Variants in ADCY7 observed in about 807,000 individuals in gnomAD.
ADCY7 encodes adenylate cyclase 7.
In ADCY7, 72 loss-of-function variants were observed where a neutral mutation model predicts 120.6. The ratio of observed to expected loss-of-function variants is 0.60; its 90% CI spans 0.49 to 0.73. ADCY7 has a LOEUF of 0.73. Among genes scored for constraint, ADCY7 ranks in the 30% least tolerant of loss-of-function variants. ADCY7 has a pLI of 0.00. For synonymous variants in ADCY7, 661 were observed against 628.0 expected, an observed-to-expected ratio of 1.05 and a Z score of -0.78; for missense variants, 1,227 against 1,486.0, an observed-to-expected ratio of 0.83 and a Z score of 2.87.
chr16:50,294,203 C>G (rs948541583), intron 6 of ADCY7, among the ~76,000 whole-genome samples: 2 of 152,106 alleles, frequency 1.3e-5, no homozygotes, highest in African/African-American at 4.8e-5. Context: ...AACGGGAGTT[C>G]GGCAAGGGCT....
intron 7 of ADCY7, among the ~76,000 whole-genome samples, chr16:50,295,813 G>A (rs2035315225): frequency 1.3e-5 from 2 of 152,158 alleles, no homozygotes; most frequent in Non-Finnish European, 2.9e-5. Flanking sequence ...CCTGAGTCTG[G>A]GTGGGGCCTT....
chr16:50,247,678 C>G (rs1596780657), intron 1 of ADCY7, among the ~76,000 whole-genome samples: 1 of 151,756 alleles, frequency 6.6e-6, no homozygotes, highest in East Asian at 1.9e-4. Context: ...CTGTGCCCAG[C>G]CTTTCTTTCT....
intron 1 of ADCY7, among the ~76,000 whole-genome samples, chr16:50,249,131 G>A (rs539847247): frequency 6.6e-6 from 1 of 152,270 alleles, no homozygotes; most frequent in Non-Finnish European, 1.5e-5. Context: ...TGGTCCTATT[G>A]TGTGTCTTAG....
At position 50,314,339 on chromosome 16, in the gene ADCY7, C is replaced by T; in HGVS notation, c.2904C>T (p.Ser968=). Residue 968 remains serine (S), a synonymous_variant, in exon 24 of 26, where the codon AGC becomes AGT. Coordinates refer to ENST00000673801, the MANE Select transcript of ADCY7 (RefSeq NM_001114.5). ...ACATTGGTGTCATGGTGGAGTTCAG[C>T]ATCGCCCTGATGAGTAAGCTGGACG... ...HAHIGVMVEF[S]IALMSKLDGI... is the part of the protein sequence containing the mutation. 4 of 1,614,180 alleles carry T rather than the reference C, an allele frequency of 2.5e-6. No homozygotes were observed. Among genetic ancestry groups the T allele is most frequent in the Non-Finnish European group, 3.4e-6 (4 of 1,180,038 alleles).
chr16:50,311,955 G>A, intron 20 of ADCY7, 81 bp from the exon 21 acceptor site: 2 of 1,584,720 alleles, frequency 1.3e-6, no homozygotes, highest in African/African-American at 1.3e-5. Flanking sequence ...GCCAGGGACA[G>A]ACAGACCTGG....
rs924862176 is a variant in ADCY7, at chr16:50,301,014, G to C, written c.1236-68G>C. 3.2e-6 allele frequency: 5 copies of C among 1,580,136 alleles called. No homozygotes were observed. The Admixed American group carries it at 8.8e-5, about 28-fold the overall frequency. ...GGCCTGGGGCCCAGGCCTGCCTGCT[G>C]TGCATCCCTGGGTGGATGCCAGCCC... On this transcript the variant is annotated intron_variant, in intron 9 of 25. Coordinates refer to ENST00000673801, the MANE Select transcript of ADCY7 (RefSeq NM_001114.5).
chr16:50,280,490 G>T (rs1194696579), intron 1 of ADCY7, among the ~76,000 whole-genome samples: 1 of 151,948 alleles, frequency 6.6e-6, no homozygotes, highest in Admixed American at 6.6e-5. Flanking sequence ...TAGGCTTGGG[G>T]TTGATTTGTT....
chr16:50,311,495 CCCA>C (rs1053338815), intron 19 of ADCY7, among the ~76,000 whole-genome samples, 195 bp from the exon 20 acceptor site: 4 of 152,150 alleles, frequency 2.6e-5, no homozygotes, highest in African/African-American at 9.7e-5. Flanking sequence ...AGAGGTCTTC[CCCA>C]CAAGGGCTCC....
At chr16:50,291,975 G>T (rs904109154) in intron 4 of ADCY7, 78 bp downstream of exon 4, 3 of 1,460,456 alleles carry the variant, frequency 2.1e-6, no homozygotes, top group Non-Finnish European at 2.8e-6. Context: ...CCCTCTGGGT[G>T]AATCAGACCC....
rs1396811568 is a variant in ADCY7 at position 50,312,305 on chromosome 16, GCCTCAC to G, written c.2604+116_2604+121del. The G allele has an allele frequency of 4.1e-6, 5 of 1,220,440 alleles. No individual in the cohort carries two copies. The African/African-American group carries it at 7.5e-5, about 18-fold the overall frequency. The allele number at this position is 1,220,440 out of a possible 1,614,324, so 75.6% of individuals were successfully genotyped here. A position where few individuals can be genotyped will look rare whatever the true frequency, so the allele number is the denominator to read the frequency against. On this transcript the variant is annotated intron_variant, in intron 21 of 25. Coordinates refer to ENST00000673801, the MANE Select transcript of ADCY7 (RefSeq NM_001114.5). The stretch of plus-strand genomic sequence containing the variant: ...CTGAGCTTGGCTTCCTCAGGTCCTG[GCCTCAC>G]CGGGATGCCCAGGCGACAATGTATG...
Position 50,314,409 on chromosome 16 carries a change from G to A in ADCY7, c.2971+3G>A, listed in dbSNP as rs747607254. The A allele has an allele frequency of 1.4e-5, 22 of 1,612,460 alleles. No homozygotes were observed. Among genetic ancestry groups the A allele is most frequent in the East Asian group, 2.2e-5 (1 of 44,862 alleles). ...CAACTCCTTCCGCCTCCGCGTCGGT[G>A]AGCCCGGGTGATGGAGCGGGGTGGG... On this transcript the variant is annotated splice_donor_region_variant and intron_variant, in intron 24 of 25. Coordinates refer to ENST00000673801, the MANE Select transcript of ADCY7 (RefSeq NM_001114.5).
At chr16:50,294,779 A>T (rs1567559644) in intron 7 of ADCY7, 28 bp downstream of exon 7, 3 of 1,542,860 alleles carry the variant, frequency 1.9e-6, no homozygotes, top group African/African-American at 2.7e-5. Context: ...CAATGGGCAA[A>T]GCCAGGCCCC....
At chr16:50,312,794 G>C in intron 21 of ADCY7, 96 bp from the exon 22 acceptor site, 1 of 1,266,394 alleles carries the variant, frequency 7.9e-7, no homozygotes. Context: ...AGCTGGGCTG[G>C]GCAGTTCAGC....
Position 50,304,558 on chromosome 16 carries a change from C to A in ADCY7, c.1560+7C>A. 1.3e-6 allele frequency: 2 copies of A among 1,523,434 alleles called. No individual in the cohort carries two copies. The highest frequency in any genetic ancestry group is 1.8e-6 in the Non-Finnish European group (2 of 1,134,388). The allele number at this position is 1,523,434 out of a possible 1,614,324, so 94.4% of individuals were successfully genotyped here. A position where few individuals can be genotyped will look rare whatever the true frequency, so the allele number is the denominator to read the frequency against. On this transcript the variant is annotated splice_region_variant and intron_variant, in intron 11 of 25. Coordinates refer to ENST00000673801, the MANE Select transcript of ADCY7 (RefSeq NM_001114.5). ...CAACGGGCGGAGGCCTAAGGTAGGT[C>A]CCCCTCCCACCCAGAAAGCCAGGGA...
At chr16:50,276,145 T>G in intron 1 of ADCY7, among the ~76,000 whole-genome samples, 1 of 152,222 alleles carries the variant, frequency 6.6e-6, no homozygotes, top group East Asian at 1.9e-4. Flanking sequence ...CCCTCTGACC[T>G]GGGTTGGGTG....
intron 1 of ADCY7, among the ~76,000 whole-genome samples, chr16:50,269,686 G>A (rs2033436895): frequency 6.6e-6 from 1 of 152,174 alleles, no homozygotes. Context: ...TGTCCTGGAG[G>A]AAGAGGATGT....
intron 10 of ADCY7, 107 bp downstream of exon 10, chr16:50,301,321 G>A (rs1488575205): frequency 2.8e-6 from 4 of 1,416,000 alleles, no homozygotes; most frequent in African/African-American, 2.9e-5. Flanking sequence ...AGGGAGAGGT[G>A]GGGAAGGGCC....
At chr16:50,309,489 G>A (rs2036303926) in intron 17 of ADCY7, 59 bp from the exon 18 acceptor site, 3 of 1,462,568 alleles carry the variant, frequency 2.1e-6, no homozygotes, top group Non-Finnish European at 2.9e-6. Context: ...ACCTTGCATG[G>A]CTTGGGCAGG....
intron 6 of ADCY7, 127 bp downstream of exon 6, chr16:50,293,629 C>G: frequency 8.2e-7 from 1 of 1,225,278 alleles, no homozygotes; most frequent in South Asian, 1.5e-5. Context: ...GGGAGAGGGC[C>G]CCATGGTTCC....
Sources: gnomAD v4.1 joint callset for allele counts (sites outside exome capture counted in the v4.1 genomes callset) on GRCh38, gnomAD v4.1.1 for gene constraint, MANE v1.5 for transcripts, NCBI Gene and HGNC (gene_info 2026-07-23, HGNC 2026-07-21) for gene names.